Variants in EPHA6 observed in about 807,000 individuals in gnomAD.
The protein encoded by EPHA6 is ephrin type-A receptor 6.
Under a neutral mutation model 112.0 loss-of-function variants are expected in EPHA6, and 50 were observed. The observed-to-expected ratio is 0.45, with a 90% confidence interval of 0.36 to 0.56. EPHA6 has a LOEUF of 0.56. EPHA6 is among the 20% of genes least tolerant of loss of function. The probability of loss-of-function intolerance (pLI) is 0.00; values close to 1 mark genes in which losing one functional copy is unlikely to be tolerated. For synonymous variants in EPHA6, 529 were observed against 490.7 expected, an observed-to-expected ratio of 1.08 and a Z score of -1.03; for missense variants, 1,280 against 1,417.4, an observed-to-expected ratio of 0.90 and a Z score of 1.56.
At chr3:97,504,686 C>T (rs2092201795) in intron 10 of EPHA6, among the ~76,000 whole-genome samples, 1 of 151,994 alleles carries the variant, frequency 6.6e-6, no homozygotes, top group African/African-American at 2.4e-5. Flanking sequence ...AACTGCCTGC[C>T]CGATGGTATA....
chr3:97,544,108 G>A (rs1211452256), intron 11 of EPHA6, among the ~76,000 whole-genome samples: 1 of 152,102 alleles, frequency 6.6e-6, no homozygotes, highest in Non-Finnish European at 1.5e-5. Flanking sequence ...GATTGTCCTA[G>A]CCAGAACTTC....
chr3:97,570,497 T>C (rs2317496), intron 11 of EPHA6, among the ~76,000 whole-genome samples: 143,991 of 152,226 alleles, frequency 0.95, 68,162 homozygotes, highest in East Asian at 1. Context: ...TTTGGGAGGC[T>C]GAGGCAGGTG....
At chr3:97,142,524 C>T (rs866662294) in intron 3 of EPHA6, among the ~76,000 whole-genome samples, 4 of 151,966 alleles carry the variant, frequency 2.6e-5, no homozygotes, top group Middle Eastern at 3.4e-3. Context: ...TCATCAGAGA[C>T]TACTACTAGT....
chr3:97,033,139 G>A (rs897939870), intron 3 of EPHA6, among the ~76,000 whole-genome samples: 1 of 151,958 alleles, frequency 6.6e-6, no homozygotes, highest in Non-Finnish European at 1.5e-5. Flanking sequence ...ATTATGAGGA[G>A]GCTGCTGGAG....
intron 5 of EPHA6, among the ~76,000 whole-genome samples, chr3:97,380,906 GT>G (rs2085689656): frequency 6.6e-6 from 1 of 152,024 alleles, no homozygotes; most frequent in African/African-American, 2.4e-5. Flanking sequence ...TAATGTATTA[GT>G]TTTATTGTAG....
intron 10 of EPHA6, among the ~76,000 whole-genome samples, chr3:97,522,762 C>T (rs1317762366): frequency 6.6e-6 from 1 of 151,960 alleles, no homozygotes. Flanking sequence ...TTAACTTTGT[C>T]CTCGTAGATT....
At chr3:97,208,765 G>A (rs1400191973) in intron 3 of EPHA6, among the ~76,000 whole-genome samples, 1 of 151,530 alleles carries the variant, frequency 6.6e-6, no homozygotes, top group Non-Finnish European at 1.5e-5. Context: ...AAAAAAAATG[G>A]AAGGCTACAT....
rs2108736931 is a variant in EPHA6, at chr3:97,305,919, C to CA, written c.1606+61633dup. Among the ~76,000 whole-genome samples, 3 of 151,566 alleles carry CA rather than the reference C, an allele frequency of 2.0e-5. No individual in the cohort carries two copies. The East Asian group carries it at 5.8e-4, about 29-fold the overall frequency. Reference sequence around the variant, plus strand: ...TCAGAAAATAAAACTGTAAAATTGCCATAAGAAATAAAGGGAAAATATTTT... The same window carrying CA: ...TCAGAAAATAAAACTGTAAAATTGCCAATAAGAAATAAAGGGAAAATATTTT... On this transcript the variant is annotated intron_variant, in intron 5 of 17. Transcript: ENST00000389672.
chr3:97,500,103 T>A (rs75893940), intron 10 of EPHA6, among the ~76,000 whole-genome samples: 6,509 of 152,212 alleles, frequency 0.043, 396 homozygotes, highest in African/African-American at 0.14. Context: ...AATTTTTAAA[T>A]TGTTTTGTTA....
At chr3:97,718,251 A>G (rs1198015223) in intron 14 of EPHA6, among the ~76,000 whole-genome samples, 5 of 152,216 alleles carry the variant, frequency 3.3e-5, no homozygotes, top group Admixed American at 2.6e-4. Flanking sequence ...ATACTCTAGT[A>G]TTGGTGCACA....
chr3:97,084,125 G>GATATCCATATATATAT (rs1559717450), intron 3 of EPHA6, among the ~76,000 whole-genome samples: 33 of 92,494 alleles, frequency 3.6e-4, no homozygotes, highest in African/African-American at 1.3e-3. Flanking sequence ...TATATATATG[G>GATATCCATATATATAT]ATATATATCC....
At chr3:96,912,182 A>T (rs1192914948) in intron 2 of EPHA6, among the ~76,000 whole-genome samples, 1 of 152,124 alleles carries the variant, frequency 6.6e-6, no homozygotes, top group Non-Finnish European at 1.5e-5. Context: ...TTATTTATTT[A>T]TTGACCAATT....
chr3:97,654,095 G>A (rs1266371751), intron 14 of EPHA6, among the ~76,000 whole-genome samples: 1 of 151,846 alleles, frequency 6.6e-6, no homozygotes, highest in Non-Finnish European at 1.5e-5. Flanking sequence ...TTGTATGCTA[G>A]AAATTTGTTA....
intron 7 of EPHA6, among the ~76,000 whole-genome samples, chr3:97,472,593 T>C (rs975172147): frequency 1.3e-5 from 2 of 151,784 alleles, no homozygotes; most frequent in East Asian, 1.9e-4. Flanking sequence ...AACACTAATA[T>C]GATAAAACGC....
intron 1 of EPHA6, among the ~76,000 whole-genome samples, chr3:96,853,999 T>C (rs2035544410): frequency 6.6e-6 from 1 of 151,996 alleles, no homozygotes; most frequent in Non-Finnish European, 1.5e-5. Flanking sequence ...AGAGCCAGAA[T>C]ACTTAAAGTA....
intron 2 of EPHA6, among the ~76,000 whole-genome samples, chr3:96,932,170 T>C (rs764400328): frequency 1.5e-4 from 23 of 152,154 alleles, no homozygotes; most frequent in African/African-American, 4.8e-5. Flanking sequence ...TCATTCTCTG[T>C]GGATTGAGTT....
chr3:97,432,533 A>G (rs1386292922), intron 6 of EPHA6, among the ~76,000 whole-genome samples: 1 of 152,162 alleles, frequency 6.6e-6, no homozygotes. Flanking sequence ...CTTGTAAGTC[A>G]CAGAAAGAAG....
chr3:96,886,941 T>C lies in EPHA6; in HGVS notation c.450+20052T>C, dbSNP rs573853051. Among the ~76,000 whole-genome samples, 10 of 152,286 alleles carry C rather than the reference T, an allele frequency of 6.6e-5. No individual in the cohort carries two copies. In the South Asian group the frequency reaches 1.0e-3, roughly 16 times the overall value. On this transcript the variant is annotated intron_variant, in intron 2 of 17. Transcript: ENST00000389672. ...GTCCAAAGTTTCCTGAATTTTTGTT[T>C]TTTCTTTAAACTATCTATTTTCTTG... is the stretch of plus-strand genomic sequence containing the variant.
chr3:97,387,167 C>G (rs1184663764), intron 5 of EPHA6, among the ~76,000 whole-genome samples: 2 of 152,238 alleles, frequency 1.3e-5, no homozygotes. Context: ...ATTGTCTTGA[C>G]TATTAACATT....
Sources: allele counts gnomAD v4.1 joint callset (sites outside exome capture counted in the v4.1 genomes callset), GRCh38; gene constraint gnomAD v4.1.1; transcripts MANE v1.5; gene names NCBI Gene and HGNC (gene_info 2026-07-23, HGNC 2026-07-21).